Variants in HIBCH observed in about 807,000 individuals in gnomAD.
HIBCH encodes the protein 3-hydroxyisobutyryl-CoA hydrolase, mitochondrial.
Under a neutral mutation model 58.2 loss-of-function variants are expected in HIBCH, and 50 were observed. That is an observed-to-expected ratio of 0.86 (90% CI 0.68 to 1.09). HIBCH has a LOEUF of 1.09. Ranked by LOEUF, HIBCH falls within the 50% of genes least tolerant of loss-of-function variation. HIBCH has a pLI of 0.00. For missense variants in HIBCH, 450 were observed against 449.7 expected (o/e 1.00, Z -0.01); for synonymous variants, 151 against 146.9 (o/e 1.03, Z -0.20).
chr2:190,213,122 TTGTC>T, intron 11 of HIBCH, 47 bp from the exon 12 acceptor site: 2 of 1,409,360 alleles, frequency 1.4e-6, no homozygotes, highest in Non-Finnish European at 2.0e-6. Context: ...AGTTCCTTTA[TTGTC>T]TATAATAAAT....
intron 6 of HIBCH, among the ~76,000 whole-genome samples, chr2:190,265,121 T>TGAAAAAAAAAAA (rs1559042131): frequency 2.3e-5 from 1 of 43,684 alleles, no homozygotes; most frequent in African/African-American, 1.5e-4. Flanking sequence ...AGACTCCGTC[T>TGAAAAAAAAAAA]CAAAAAAAAA....
intron 4 of HIBCH, among the ~76,000 whole-genome samples, chr2:190,290,924 T>C (rs1575752772): frequency 6.6e-6 from 1 of 152,030 alleles, no homozygotes; most frequent in Non-Finnish European, 1.5e-5. Context: ...GCCGGGAGGA[T>C]CATTTGAGCC....
intron 6 of HIBCH, among the ~76,000 whole-genome samples, chr2:190,273,704 TA>T (rs34435266): frequency 0.19 from 29,267 of 151,582 alleles, 3,221 homozygotes; most frequent in Admixed American, 0.35. Context: ...CCAGTTTTTT[TA>T]AAAAAAAAAG....
At chr2:190,276,102 G>A (rs1175204550) in intron 6 of HIBCH, among the ~76,000 whole-genome samples, 1 of 152,194 alleles carries the variant, frequency 6.6e-6, no homozygotes, top group Non-Finnish European at 1.5e-5. Flanking sequence ...GAGAGAAGTG[G>A]TCCAGTCAAA....
chr2:190,252,297 A>T lies in HIBCH; in HGVS notation c.528T>A (p.Pro176=). ...GCAAGAAATAACCTCCACCCACATC[A>T]GGGAACAGTCCTGTAATTAAATGTA... ...AMPETAIGLF[P]DVGGGYFLPR... is the part of the protein sequence containing the mutation. Residue 176 remains proline, a synonymous_variant, in exon 8 of 14, where the codon CCT becomes CCA. Coordinates refer to ENST00000359678, the MANE Select transcript of HIBCH (RefSeq NM_014362.4). 6.2e-7 allele frequency: 1 copy of T among 1,612,892 alleles called. No homozygotes were observed. The highest frequency in any genetic ancestry group is 8.5e-7 in the Non-Finnish European group (1 of 1,178,956).
Position 190,204,955 on chromosome 2 carries a change from G to A in HIBCH, c.*162C>T, listed in dbSNP as rs940167120. On this transcript the variant is annotated 3_prime_UTR_variant, in exon 14 of 14. Coordinates refer to ENST00000359678, the MANE Select transcript of HIBCH (RefSeq NM_014362.4). The stretch of plus-strand genomic sequence containing the variant: ...ATTTGTGAATTCTGATAATTTTCAC[G>A]TCATGAATTATTAGTCTTTGATTTC... 5.7e-5 allele frequency: 36 copies of A among 636,180 alleles called. No individual in the cohort carries two copies. The highest frequency in any genetic ancestry group is 1.5e-4 in the Admixed American group (6 of 40,344). 39.4% of individuals were successfully genotyped at this position (636,180 alleles called of 1,614,324 possible). A position where few individuals can be genotyped will look rare whatever the true frequency, so the allele number is the denominator to read the frequency against.
Position 190,316,657 on chromosome 2 carries a change from A to G in HIBCH, c.35+3059T>C, listed in dbSNP as rs560273523. Reference sequence around the variant, plus strand: ...CTCTCTAGAGCACTCTCTCCAGTTCACCAGTCCCCCATGCTGCCATCTAGC... The same window carrying G: ...CTCTCTAGAGCACTCTCTCCAGTTCGCCAGTCCCCCATGCTGCCATCTAGC... On this transcript the variant is annotated intron_variant, in intron 1 of 13. Transcript: ENST00000359678. Among the ~76,000 whole-genome samples the G allele has an allele frequency of 4.6e-5, 7 of 152,232 alleles. No homozygotes were observed. In the South Asian group the frequency reaches 1.5e-3, roughly 32 times the overall value.
rs1053632428 is a variant in HIBCH at position 190,304,255 on chromosome 2, A to T, written c.78+6499T>A. On this transcript the variant is annotated intron_variant, in intron 2 of 13. Transcript: ENST00000359678. This position sits in a 1 kb window ranked among gnomAD's most constrained non-coding sequence, Gnocchi z 4.1. Reference sequence around the variant, plus strand: ...TACCTGAAACTGTGTAATTTGTTAAAAAAAAAAAAAAAAAGGAATTTATTC... The same window carrying T: ...TACCTGAAACTGTGTAATTTGTTAATAAAAAAAAAAAAAAGGAATTTATTC... Among the ~76,000 whole-genome samples the T allele has an allele frequency of 7.5e-5, 1 of 13,328 alleles. No homozygotes were observed. Among genetic ancestry groups the T allele is most frequent in the Non-Finnish European group, 2.0e-4 (1 of 5,024 alleles). The allele number at this position is 13,328 out of a possible 152,430, so 8.7% of individuals were successfully genotyped here.
At chr2:190,226,362 G>C (rs951721331) in intron 11 of HIBCH, among the ~76,000 whole-genome samples, 38 of 152,130 alleles carry the variant, frequency 2.5e-4, no homozygotes, top group African/African-American at 9.2e-4. Flanking sequence ...TTGGGAGGTC[G>C]AGGCGGGCAG....
intron 2 of HIBCH, among the ~76,000 whole-genome samples, chr2:190,303,852 A>G (rs1280455813): frequency 6.6e-6 from 1 of 152,140 alleles, no homozygotes; most frequent in Non-Finnish European, 1.5e-5. Context: ...GTACTCCCTG[A>G]TGCATTTGTC....
rs202197474 is a variant in HIBCH, at chr2:190,212,964, C to A, written c.1003G>T (p.Ala335Ser). ...VLTMEYRLSQ[A>S]CMRGHDFHEG... ...TTTTTTTAAATTCTTACCATACAAG[C>A]TTGACTTAGCCGATACTCCATAGTT... is the stretch of plus-strand genomic sequence containing the variant. The change falls in exon 12 of 14, where the codon GCT becomes TCT. Residue 335 changes from alanine to serine, a missense_variant. Physicochemically the swap from Ala to Ser is moderately conservative, Grantham distance 99. Transcript: ENST00000359678. 1.0e-4 allele frequency: 169 copies of A among 1,610,838 alleles called. No individual in the cohort carries two copies. Among genetic ancestry groups the A allele is most frequent in the Non-Finnish European group, 1.3e-4 (153 of 1,178,442 alleles).
downstream of HIBCH, chr2:190,203,847 C>T (rs1005073175): frequency 6.6e-6 from 1 of 151,994 alleles, no homozygotes; most frequent in Admixed American, 6.6e-5. Context: ...TTTTCAGTTC[C>T]GTTGGCTTTT....
rs1216410969 is a variant in HIBCH at position 190,296,934 on chromosome 2, T to C, written c.98A>G (p.Asp33Gly). 1.9e-6 allele frequency: 3 copies of C among 1,614,168 alleles called. No homozygotes were observed. Among genetic ancestry groups the C allele is most frequent in the South Asian group, 1.1e-5 (1 of 91,084 alleles). The change falls in exon 3 of 14, where the codon GAT (aspartate) becomes GGT (glycine). Residue 33 changes from aspartate (D) to glycine (G), a missense_variant. By Grantham distance (94) the Asp-to-Gly change is moderately conservative. Coordinates refer to ENST00000359678, the MANE Select transcript of HIBCH (RefSeq NM_014362.4). The part of the protein sequence containing the change: ...LHHLRMSKHT[D>G]AAEEVLLEKK... ...TTCCAATAGCACCTCTTCTGCTGCA[T>C]CTGTGTGCTTGGACATTCTCTGTAT...
chr2:190,245,807 T>A (rs1575721020), intron 10 of HIBCH, among the ~76,000 whole-genome samples: 2 of 152,048 alleles, frequency 1.3e-5, no homozygotes, highest in East Asian at 3.9e-4. Flanking sequence ...CTGGCCAACA[T>A]GGCGAAACCC....
intron 1 of HIBCH, among the ~76,000 whole-genome samples, chr2:190,314,477 T>C (rs1467150625): frequency 6.6e-6 from 1 of 150,912 alleles, no homozygotes; most frequent in African/African-American, 2.4e-5. Context: ...TTGCTTCCAT[T>C]TGGTTGGTTG....
At position 190,257,607 on chromosome 2, in the gene HIBCH, T is replaced by G. The variant is rs141029499; in HGVS notation, c.517+3549A>C. On this transcript the variant is annotated intron_variant, in intron 7 of 13. Coordinates refer to ENST00000359678, the MANE Select transcript of HIBCH (RefSeq NM_014362.4). ...AAAAGATAATAGGGGAATATTATTGTCTTAGTCCATTTTGTGTTGCTATGA... is the reference window on the plus strand; with the variant it reads ...AAAAGATAATAGGGGAATATTATTGGCTTAGTCCATTTTGTGTTGCTATGA... Among the ~76,000 whole-genome samples the G allele has an allele frequency of 6.5e-3, 991 of 152,286 alleles. 9 individuals carry two copies. The highest frequency in any genetic ancestry group is 0.023 in the African/African-American group (942 of 41,566).
chr2:190,213,579 TCAC>T lies in HIBCH; in HGVS notation c.892-507_892-505del, dbSNP rs111771499. The T allele has an allele frequency of 5.6e-3, 943 of 168,740 alleles. 6 individuals carry two copies. Among genetic ancestry groups the T allele is most frequent in the African/African-American group, 0.021 (891 of 41,666 alleles). 10.5% of individuals were successfully genotyped at this position (168,740 alleles called of 1,614,324 possible). On this transcript the variant is annotated intron_variant, in intron 11 of 13. Coordinates refer to ENST00000359678, the MANE Select transcript of HIBCH (RefSeq NM_014362.4). Reference sequence around the variant, plus strand: ...CCCCTTTTCCCCCACTTAGCTGCCCTCACCCGAACCAAAGAAGTTTAGCCTAGA... The same window carrying T: ...CCCCTTTTCCCCCACTTAGCTGCCCTCCGAACCAAAGAAGTTTAGCCTAGA...
chr2:190,243,552 G>A lies in HIBCH; in HGVS notation c.891+1335C>T, dbSNP rs990110376. Among the ~76,000 whole-genome samples, 9 of 152,186 alleles carry A rather than the reference G, an allele frequency of 5.9e-5. No homozygotes were observed. Among genetic ancestry groups the A allele is most frequent in the African/African-American group, 2.2e-4 (9 of 41,444 alleles). ...GTTAATATTAACAATCTACTTTTGT[G>A]AGTTAGGCAAATAAATGGCTGGTCT... On this transcript the variant is annotated intron_variant, in intron 11 of 13. Coordinates refer to ENST00000359678, the MANE Select transcript of HIBCH (RefSeq NM_014362.4). This position sits in a 1 kb window ranked among gnomAD's most constrained non-coding sequence, Gnocchi z 4.1.
rs549325897 is a variant in HIBCH at position 190,283,358 on chromosome 2, T to C, written c.438+4228A>G. On this transcript the variant is annotated intron_variant, in intron 6 of 13. Transcript: ENST00000359678. ...TTAAAGTAGCCAATCAGAATTAGTT[T>C]AGCCTGTGCGGTCTAACCCTAGCCA... Among the ~76,000 whole-genome samples, 22 of 152,270 alleles carry C rather than the reference T, an allele frequency of 1.4e-4. 1 individual carries two copies. Among genetic ancestry groups the C allele is most frequent in the South Asian group, 4.1e-4 (2 of 4,824 alleles).
Sources: gnomAD v4.1 joint callset for allele counts (sites outside exome capture counted in the v4.1 genomes callset) on GRCh38, gnomAD v4.1.1 for gene constraint, Gnocchi (gnomAD v3.1) non-coding constraint, MANE v1.5 for transcripts, NCBI Gene and HGNC (gene_info 2026-07-23, HGNC 2026-07-21) for gene names.